PAK5: variants seen among roughly 807,000 people sequenced by gnomAD.
PAK5 encodes the protein serine/threonine-protein kinase PAK 5.
PAK5 carries 16 observed loss-of-function variants against 65.9 expected under a neutral mutation model. The observed-to-expected ratio is 0.24, with a 90% CI of 0.16 to 0.37. PAK5 has a LOEUF of 0.37. PAK5 is among the 10% of genes least tolerant of loss of function. PAK5 has a pLI of 1.00. For missense variants in PAK5, 785 were observed against 903.9 expected (o/e 0.87, Z 1.69); for synonymous variants, 371 against 354.9 (o/e 1.05, Z -0.51).
chr20:9,653,231 C>G (rs192870400), intron 2 of PAK5, among the ~76,000 whole-genome samples: 11 of 152,232 alleles, frequency 7.2e-5, no homozygotes, highest in Admixed American at 5.9e-4. Context: ...TTTAGAGTAA[C>G]ATCAATGTAG....
intron 2 of PAK5, among the ~76,000 whole-genome samples, chr20:9,656,113 C>G (rs1041268878): frequency 1.1e-4 from 16 of 152,184 alleles, no homozygotes; most frequent in Admixed American, 3.3e-4. Flanking sequence ...TAAATGCTAG[C>G]AAGTTGGCTT....
chr20:9,688,246 T>C lies in PAK5; in HGVS notation c.-12+23040A>G, dbSNP rs1284869535. ...AGCTAGACTTCTTCTGAGAGTCCCA[T>C]GAGAAGCCAGCAGGAAATGTCTTGC... On this transcript the variant is annotated intron_variant, in intron 2 of 9. Transcript: ENST00000353224. 5.9e-5 allele frequency among the ~76,000 whole-genome samples: 9 copies of C among 152,180 alleles called. No individual in the cohort carries two copies. The East Asian group carries it at 1.4e-3, about 23-fold the overall frequency.
At chr20:9,646,560 T>A (rs2047137360) in intron 2 of PAK5, among the ~76,000 whole-genome samples, 2 of 152,194 alleles carry the variant, frequency 1.3e-5, no homozygotes, top group Non-Finnish European at 1.5e-5. Flanking sequence ...AACCAAAGTG[T>A]CAAGAAGTAA....
chr20:9,836,099 T>C (rs745338400), intron 1 of PAK5, among the ~76,000 whole-genome samples: 1 of 152,158 alleles, frequency 6.6e-6, no homozygotes, highest in Non-Finnish European at 1.5e-5. Flanking sequence ...ACCATGGTTG[T>C]GTATATAAAG....
intron 1 of PAK5, among the ~76,000 whole-genome samples, chr20:9,783,646 A>G (rs977135233): frequency 6.6e-6 from 1 of 152,204 alleles, no homozygotes; most frequent in Admixed American, 6.6e-5. Flanking sequence ...ATTGTGTTCA[A>G]ATAATGTCTA....
intron 2 of PAK5, among the ~76,000 whole-genome samples, chr20:9,695,222 T>C (rs1195337249): frequency 6.6e-6 from 1 of 152,074 alleles, no homozygotes. Context: ...TCACATTAGG[T>C]TCTCTTCCTT....
chr20:9,572,389 T>G (rs1238908623), intron 4 of PAK5, among the ~76,000 whole-genome samples: 2 of 152,212 alleles, frequency 1.3e-5, no homozygotes, highest in African/African-American at 2.4e-5. Context: ...GCAGAAAACA[T>G]AAATGATGAA....
At chr20:9,544,798 C>T (rs1334410765) in intron 7 of PAK5, among the ~76,000 whole-genome samples, 1 of 152,162 alleles carries the variant, frequency 6.6e-6, no homozygotes, top group Admixed American at 6.5e-5. Flanking sequence ...CCACAAACAA[C>T]AAATTTGTTA....
intron 4 of PAK5, among the ~76,000 whole-genome samples, chr20:9,572,359 T>C (rs1404995861): frequency 2.0e-5 from 3 of 152,210 alleles, no homozygotes; most frequent in African/African-American, 7.2e-5. Flanking sequence ...GTCTTTCTCA[T>C]GATAGCCTAT....
chr20:9,798,497 A>G (rs2049131614), intron 1 of PAK5, among the ~76,000 whole-genome samples: 1 of 152,128 alleles, frequency 6.6e-6, no homozygotes, highest in Non-Finnish European at 1.5e-5. Context: ...GATTTGTGAT[A>G]AGAAGATGTC....
chr20:9,665,782 C>T (rs1257169444), intron 2 of PAK5, among the ~76,000 whole-genome samples: 2 of 152,078 alleles, frequency 1.3e-5, no homozygotes, highest in Non-Finnish European at 2.9e-5. Context: ...GTGTGAGCCA[C>T]TGTGCATGGC....
At chr20:9,726,280 T>C (rs1002048586) in intron 1 of PAK5, among the ~76,000 whole-genome samples, 43 of 152,172 alleles carry the variant, frequency 2.8e-4, no homozygotes, top group African/African-American at 1.0e-3. Flanking sequence ...GGATCCTGTT[T>C]GGTGGGCCAT....
intron 2 of PAK5, among the ~76,000 whole-genome samples, chr20:9,676,686 G>A (rs2047576783): frequency 6.6e-6 from 1 of 152,120 alleles, no homozygotes; most frequent in African/African-American, 2.4e-5. Context: ...TGAAAAGGTA[G>A]ATCAGTATAC....
intron 2 of PAK5, among the ~76,000 whole-genome samples, chr20:9,668,667 G>A (rs2047452197): frequency 6.6e-6 from 1 of 152,164 alleles, no homozygotes; most frequent in African/African-American, 2.4e-5. Flanking sequence ...GGAGTGGCAT[G>A]CTCAAACCAA....
chr20:9,691,138 G>T (rs2047791480), intron 2 of PAK5, among the ~76,000 whole-genome samples: 1 of 152,150 alleles, frequency 6.6e-6, no homozygotes, highest in Non-Finnish European at 1.5e-5. Context: ...AACAACATCT[G>T]TGCACCTTGC....
chr20:9,588,641 C>A lies in PAK5; in HGVS notation c.205-7711G>T, dbSNP rs571078145. Among the ~76,000 whole-genome samples, 14 of 152,236 alleles carry A rather than the reference C, an allele frequency of 9.2e-5. No individual in the cohort carries two copies. In the South Asian group the frequency reaches 2.9e-3, roughly 32 times the overall value. ...GCAGAGTTTTCCAACACGGTTTAAC[C>A]AGGCTTCCAAACAGAAGAACCACTA... is the stretch of plus-strand genomic sequence containing the variant. On this transcript the variant is annotated intron_variant, in intron 3 of 9. Coordinates refer to ENST00000353224, the MANE Select transcript of PAK5 (RefSeq NM_177990.4).
chr20:9,671,682 A>C (rs112714481), intron 2 of PAK5, among the ~76,000 whole-genome samples: 1 of 129,530 alleles, frequency 7.7e-6, no homozygotes, highest in African/African-American at 2.5e-5. Flanking sequence ...GGGCTGAGAC[A>C]ATGGGGTTTT....
chr20:9,819,590 A>G (rs1444015124), intron 1 of PAK5, among the ~76,000 whole-genome samples: 1 of 151,768 alleles, frequency 6.6e-6, no homozygotes, highest in Non-Finnish European at 1.5e-5. Flanking sequence ...GCCTGACCAC[A>G]TTCTTTGCTA....
intron 2 of PAK5, among the ~76,000 whole-genome samples, chr20:9,692,505 T>C (rs909916102): frequency 2.6e-5 from 4 of 152,184 alleles, no homozygotes; most frequent in Middle Eastern, 3.2e-3. Flanking sequence ...AACTTCTATA[T>C]AATATAATTT....
Sources: gnomAD v4.1 joint callset for allele counts (sites outside exome capture counted in the v4.1 genomes callset) on GRCh38, gnomAD v4.1.1 for gene constraint, MANE v1.5 for transcripts, NCBI Gene and HGNC (gene_info 2026-07-23, HGNC 2026-07-21) for gene names.